Variants in BCAR3 observed in about 807,000 individuals in gnomAD.
The protein encoded by BCAR3 is breast cancer anti-estrogen resistance protein 3.
A neutral mutation model predicts 80.1 loss-of-function variants in BCAR3; 37 were observed. The observed-to-expected ratio is 0.46, with a 90% CI of 0.36 to 0.61. The LOEUF is 0.61. BCAR3 is among the 20% of genes least tolerant of loss of function. The pLI is 0.00. For missense variants in BCAR3, 978 were observed against 1,068.2 expected, an observed-to-expected ratio of 0.92 and a Z score of 1.18; for synonymous variants, 389 against 418.9, an observed-to-expected ratio of 0.93 and a Z score of 0.87.
intron 2 of BCAR3, among the ~76,000 whole-genome samples, chr1:93,767,770 T>C (rs936822629): frequency 2.6e-5 from 4 of 152,216 alleles, no homozygotes; most frequent in African/African-American, 9.6e-5. Context: ...CAGAAATATA[T>C]ATGATGTTCC....
At chr1:93,677,244 T>C (rs769803634) in intron 1 of BCAR3, among the ~76,000 whole-genome samples, 8 of 152,162 alleles carry the variant, frequency 5.3e-5, no homozygotes, top group Non-Finnish European at 1.2e-4. Flanking sequence ...AAAGTTAACA[T>C]GTGGGGAAAA....
intron 2 of BCAR3, among the ~76,000 whole-genome samples, chr1:93,740,660 T>C (rs935869649): frequency 1.3e-5 from 2 of 152,128 alleles, no homozygotes; most frequent in Non-Finnish European, 1.5e-5. Context: ...AAAACCCTGA[T>C]GCATCTAGAT....
intron 2 of BCAR3, among the ~76,000 whole-genome samples, chr1:93,643,176 A>G (rs370918095): frequency 1.2e-3 from 174 of 150,570 alleles, no homozygotes; most frequent in African/African-American, 3.9e-3. Context: ...GCGGCGAGCC[A>G]AGATCACACC....
At chr1:93,758,372 C>T (rs1445518491) in intron 2 of BCAR3, among the ~76,000 whole-genome samples, 2 of 152,218 alleles carry the variant, frequency 1.3e-5, no homozygotes, top group Non-Finnish European at 2.9e-5. Flanking sequence ...GAACAAGTGT[C>T]AGCTGGAAGC....
rs141280575 is a variant in BCAR3 at position 93,595,300 on chromosome 1, A to C, written c.358-2907T>G. 1.5e-3 allele frequency among the ~76,000 whole-genome samples: 231 copies of C among 152,342 alleles called. 2 individuals carry two copies. The highest frequency in any genetic ancestry group is 5.2e-3 in the African/African-American group (217 of 41,570). ...ACAACTGCCTAGACTTGTATTTTAA[A>C]AGGGAAGGAGGGAAAGAGAGAGGGA... On this transcript the variant is annotated intron_variant, in intron 3 of 11. Coordinates refer to ENST00000260502, the MANE Select transcript of BCAR3 (RefSeq NM_003567.4).
At chr1:93,595,168 A>G (rs990513324) in intron 3 of BCAR3, among the ~76,000 whole-genome samples, 4 of 152,234 alleles carry the variant, frequency 2.6e-5, no homozygotes, top group Non-Finnish European at 5.9e-5. Context: ...AGAGAGAGAA[A>G]TGAAGATATT....
intron 2 of BCAR3, among the ~76,000 whole-genome samples, chr1:93,782,558 A>G (rs1652799030): frequency 6.6e-6 from 1 of 152,194 alleles, no homozygotes; most frequent in Non-Finnish European, 1.5e-5. Context: ...TTGTAGAAAG[A>G]GCCCAACAGA....
intron 2 of BCAR3, among the ~76,000 whole-genome samples, chr1:93,723,021 T>A (rs1650460316): frequency 6.6e-6 from 1 of 152,084 alleles, no homozygotes; most frequent in South Asian, 2.1e-4. Context: ...TGGGCAGACC[T>A]CTAAGCTCTC....
intron 1 of BCAR3, among the ~76,000 whole-genome samples, chr1:93,675,491 C>T (rs1029519566): frequency 5.3e-5 from 8 of 152,154 alleles, no homozygotes; most frequent in African/African-American, 7.2e-5. Flanking sequence ...TTAGTGAACA[C>T]GGGCTAGGGT....
intron 3 of BCAR3, among the ~76,000 whole-genome samples, chr1:93,639,593 C>G (rs139972716): frequency 1.1e-3 from 171 of 151,856 alleles, no homozygotes; most frequent in African/African-American, 3.4e-3. Flanking sequence ...TCTCCTGCCT[C>G]AGCCTCCCGA....
chr1:93,749,838 C>T (rs545283087), intron 2 of BCAR3, among the ~76,000 whole-genome samples: 52 of 149,770 alleles, frequency 3.5e-4, no homozygotes, highest in Admixed American at 1.5e-3. Flanking sequence ...TAAAAATCTT[C>T]GTTCTTGATA....
At chr1:93,750,053 T>C (rs1189987698) in intron 2 of BCAR3, among the ~76,000 whole-genome samples, 3 of 152,218 alleles carry the variant, frequency 2.0e-5, no homozygotes, top group African/African-American at 2.4e-5. Flanking sequence ...ACTCCTTTGA[T>C]ATTTGGCACC....
intron 2 of BCAR3, among the ~76,000 whole-genome samples, chr1:93,671,462 A>G (rs995060082): frequency 4.6e-5 from 7 of 152,204 alleles, no homozygotes; most frequent in African/African-American, 1.7e-4. Flanking sequence ...CTTCATGCCA[A>G]TACCCGTCAG....
At chr1:93,659,911 A>C (rs1007773474) in intron 2 of BCAR3, among the ~76,000 whole-genome samples, 1 of 152,116 alleles carries the variant, frequency 6.6e-6, no homozygotes, top group African/African-American at 2.4e-5. Flanking sequence ...GTGATGACAA[A>C]CAATTACAAT....
chr1:93,772,314 T>A (rs12144059), intron 2 of BCAR3, among the ~76,000 whole-genome samples: 1 of 152,078 alleles, frequency 6.6e-6, no homozygotes, highest in African/African-American at 2.4e-5. Flanking sequence ...GGGGGCAGGA[T>A]ATGCCATGGC....
intron 2 of BCAR3, among the ~76,000 whole-genome samples, chr1:93,789,127 C>T (rs1396690765): frequency 1.3e-5 from 2 of 152,028 alleles, no homozygotes; most frequent in Non-Finnish European, 2.9e-5. Context: ...TCCCAAGTAG[C>T]TGGAACTACT....
At chr1:93,705,960 G>A (rs184233020) in intron 3 of BCAR3, 94 of 152,284 alleles carry the variant, frequency 6.2e-4, no homozygotes, top group African/African-American at 2.2e-3. Flanking sequence ...GTTAACAAGA[G>A]GATTCTCATA....
At chr1:93,748,398 T>C (rs947308421) in intron 2 of BCAR3, among the ~76,000 whole-genome samples, 5 of 152,202 alleles carry the variant, frequency 3.3e-5, no homozygotes, top group Admixed American at 6.5e-5. Flanking sequence ...TCACCTAACT[T>C]GATCTCCAAG....
At chr1:93,736,223 T>C (rs1650965101) in intron 2 of BCAR3, among the ~76,000 whole-genome samples, 1 of 152,244 alleles carries the variant, frequency 6.6e-6, no homozygotes, top group South Asian at 2.1e-4. Flanking sequence ...GTTTCACTCT[T>C]GTTGCCCAAG....
Sources: gnomAD v4.1 joint callset for allele counts (sites outside exome capture counted in the v4.1 genomes callset) on GRCh38, gnomAD v4.1.1 for gene constraint, MANE v1.5 for transcripts, NCBI Gene and HGNC (gene_info 2026-07-23, HGNC 2026-07-21) for gene names.